BBS5: variants seen among roughly 807,000 people sequenced by gnomAD.
The protein encoded by BBS5 is Bardet-Biedl syndrome 5.
In BBS5, 39 loss-of-function variants were observed where a neutral mutation model predicts 50.2. That is an observed-to-expected ratio of 0.78 (90% CI 0.60 to 1.01). The LOEUF (loss-of-function observed/expected upper bound fraction) is 1.01, where lower values mean the gene tolerates loss of function less well. Among genes scored for constraint, BBS5 ranks in the 50% least tolerant of loss-of-function variants. BBS5 has a pLI of 0.00. For synonymous variants in BBS5, 134 were observed against 133.1 expected, an observed-to-expected ratio of 1.01 and a Z score of -0.05; for missense variants, 356 against 401.5, an observed-to-expected ratio of 0.89 and a Z score of 0.97.
intron 1 of BBS5, among the ~76,000 whole-genome samples, chr2:169,480,195 CAAG>C (rs1486254038): frequency 2.0e-5 from 3 of 152,172 alleles, no homozygotes; most frequent in East Asian, 1.9e-4. Context: ...CAGTCACCAA[CAAG>C]AAGGAGTCTT....
chr2:169,497,526 CTATGAAA>C (rs1337560426), intron 7 of BBS5, 94 bp from the exon 8 acceptor site: 6 of 743,260 alleles, frequency 8.1e-6, no homozygotes, highest in Non-Finnish European at 1.4e-5. Flanking sequence ...GTTCTTTAGA[CTATGAAA>C]AGTAAATACT....
chr2:169,493,773 G>C lies in BBS5; in HGVS notation c.555G>C (p.Val185=). 6.2e-7 allele frequency: 1 copy of C among 1,612,980 alleles called. No individual in the cohort carries two copies. Reference sequence around the variant, plus strand: ...TAGGAACCTTTTTTATTACCAATGTGAGAATTGTGTGGCATGCAAATATGA... The same window carrying C: ...TAGGAACCTTTTTTATTACCAATGTCAGAATTGTGTGGCATGCAAATATGA... ...GNLGTFFITN[V]RIVWHANMND... Residue 185 remains valine (V), a synonymous_variant, in exon 7 of 12, where the codon GTG becomes GTC. Transcript: ENST00000295240.
intron 5 of BBS5, 66 bp downstream of exon 5, chr2:169,488,180 TC>T: frequency 6.6e-7 from 1 of 1,526,294 alleles, no homozygotes; most frequent in Non-Finnish European, 9.0e-7. Flanking sequence ...ACTGCAACAG[TC>T]CCCAACCTTT....
intron 9 of BBS5, among the ~76,000 whole-genome samples, chr2:169,500,618 C>G (rs1367576187): frequency 6.6e-6 from 1 of 152,212 alleles, no homozygotes; most frequent in Non-Finnish European, 1.5e-5. Flanking sequence ...ACAGCCATTA[C>G]TTATATCTCT....
rs1476191943 is a variant in BBS5 at position 169,498,234 on chromosome 2, C to G, written c.681+545C>G. ...TATAACCTGTTATGCTCCATTATGC[C>G]AGGTTTTTGCAGAAATACATTTAAA... On this transcript the variant is annotated intron_variant, in intron 8 of 11. Coordinates refer to ENST00000295240, the MANE Select transcript of BBS5 (RefSeq NM_152384.3). 7.8e-4 allele frequency among the ~76,000 whole-genome samples: 119 copies of G among 152,120 alleles called. 1 individual carries two copies. The highest frequency in any genetic ancestry group is 1.0e-4 in the Non-Finnish European group (7 of 68,032).
At chr2:169,502,598 G>C (rs1683830517) in intron 9 of BBS5, among the ~76,000 whole-genome samples, 1 of 151,954 alleles carries the variant, frequency 6.6e-6, no homozygotes, top group Admixed American at 6.6e-5. Context: ...TGGTACTACT[G>C]GCATAGTACC....
chr2:169,488,506 T>A (rs77168618), intron 5 of BBS5, among the ~76,000 whole-genome samples: 10,909 of 152,286 alleles, frequency 0.072, 551 homozygotes, highest in South Asian at 0.22. Context: ...CCGCTGCTGA[T>A]CTGACAGGAG....
intron 6 of BBS5, among the ~76,000 whole-genome samples, chr2:169,493,365 A>G (rs1468901327): frequency 6.6e-6 from 1 of 151,644 alleles, no homozygotes; most frequent in Non-Finnish European, 1.5e-5. Flanking sequence ...TTCTCTTACT[A>G]CAACTCCTTT....
intron 1 of BBS5, among the ~76,000 whole-genome samples, 190 bp downstream of exon 1, chr2:169,479,802 G>T (rs1476017791): frequency 6.6e-6 from 1 of 152,212 alleles, no homozygotes; most frequent in Middle Eastern, 3.2e-3. Context: ...CGAGGCCGGC[G>T]CCGCGGCAAG....
At position 169,505,277 on chromosome 2, in the gene BBS5, A is replaced by C. The variant is rs1324053809; in HGVS notation, c.*695A>C. On this transcript the variant is annotated 3_prime_UTR_variant, in exon 12 of 12. Transcript: ENST00000295240. ...TAGTGCTCAATGGTGCCCAGGCTGG[A>C]GTGCAGTGGCGTGATCTCCGCTCGC... 2.5e-6 allele frequency: 1 copy of C among 408,106 alleles called. No individual in the cohort carries two copies. Among genetic ancestry groups the C allele is most frequent in the Non-Finnish European group, 4.6e-6 (1 of 215,800 alleles). 25.3% of individuals were successfully genotyped at this position (408,106 alleles called of 1,614,324 possible). A position where few individuals can be genotyped will look rare whatever the true frequency, so the allele number is the denominator to read the frequency against.
rs1195565444 is a variant in BBS5, at chr2:169,499,535, A to G, written c.731A>G (p.Gln244Arg). Residue 244 changes from glutamine to arginine, a missense_variant, in exon 9 of 12, where the codon CAA (glutamine) becomes CGA (arginine). By Grantham distance (43) the Gln-to-Arg change is conservative. Transcript: ENST00000295240. The stretch of plus-strand genomic sequence containing the variant: ...AAAATAGATCCTGTGGAAAAACTAC[A>G]AGAATCAGTTAAGGAAATCAATTCA... ...GFKIDPVEKL[Q>R]ESVKEINSLH... The G allele has an allele frequency of 6.2e-7, 1 of 1,613,550 alleles. No homozygotes were observed. The highest frequency in any genetic ancestry group is 8.5e-7 in the Non-Finnish European group (1 of 1,179,522).
At chr2:169,498,868 G>A (rs6718611) in intron 8 of BBS5, among the ~76,000 whole-genome samples, 7,176 of 151,524 alleles carry the variant, frequency 0.047, 199 homozygotes, top group East Asian at 0.13. Context: ...TACAGCTAGT[G>A]AATTAGTGGT....
At position 169,492,961 on chromosome 2, in the gene BBS5, A is replaced by G; in HGVS notation, c.474A>G (p.Glu158=). 1 of 1,613,686 alleles carries G rather than the reference A, an allele frequency of 6.2e-7. No individual in the cohort carries two copies. Among genetic ancestry groups the G allele is most frequent in the South Asian group, 1.1e-5 (1 of 91,080 alleles). The part of the protein sequence containing the change: ...QNKQLRLLPQ[E]HVYDKINGVW... ...AGCAACTAAGACTGTTGCCACAAGA[A>G]CATGTATATGATAAAATAAATGGAG... The change falls in exon 6 of 12, where the codon GAA becomes GAG. Residue 158 remains glutamate (E), a synonymous_variant. Coordinates refer to ENST00000295240, the MANE Select transcript of BBS5 (RefSeq NM_152384.3).
At chr2:169,502,849 ATC>A (rs1158809016) in intron 9 of BBS5, among the ~76,000 whole-genome samples, 2 of 152,226 alleles carry the variant, frequency 1.3e-5, no homozygotes, top group Non-Finnish European at 2.9e-5. Context: ...CTTTAAAGAT[ATC>A]TGAGTATCTT....
chr2:169,493,062 T>C, intron 6 of BBS5, 53 bp downstream of exon 6: 1 of 1,592,152 alleles, frequency 6.3e-7, no homozygotes, highest in Non-Finnish European at 8.6e-7. Flanking sequence ...GGTAATCATT[T>C]TTCCATTCAT....
intron 5 of BBS5, among the ~76,000 whole-genome samples, chr2:169,492,058 A>G (rs1296516603): frequency 6.6e-6 from 1 of 151,784 alleles, no homozygotes; most frequent in Non-Finnish European, 1.5e-5. Context: ...CGGCCTCCCA[A>G]AGTGCTGGGA....
intron 11 of BBS5, 28 bp from the exon 12 acceptor site, chr2:169,504,453 C>T (rs775156731): frequency 1.9e-6 from 3 of 1,599,846 alleles, no homozygotes. Context: ...TTCTCTATTC[C>T]CATCTTATCC....
intron 5 of BBS5, among the ~76,000 whole-genome samples, chr2:169,491,514 A>C (rs1322447634): frequency 6.6e-6 from 1 of 152,254 alleles, no homozygotes; most frequent in African/African-American, 2.4e-5. Flanking sequence ...ACTTTTGTTA[A>C]ATAGGTAACT....
chr2:169,481,942 C>T (rs1683405021), intron 1 of BBS5, among the ~76,000 whole-genome samples: 1 of 152,182 alleles, frequency 6.6e-6, no homozygotes. Flanking sequence ...GGCCAGCCTT[C>T]TCCCATGTCC....
Sources: allele counts gnomAD v4.1 joint callset (sites outside exome capture counted in the v4.1 genomes callset), GRCh38; gene constraint gnomAD v4.1.1; transcripts MANE v1.5; gene names NCBI Gene and HGNC (gene_info 2026-07-23, HGNC 2026-07-21).